The following PTBP3 variants were observed in gnomAD, a reference collection of about 807,000 sequenced individuals.
PTBP3 encodes polypyrimidine tract-binding protein 3.
In PTBP3, 20 loss-of-function variants were observed where a neutral mutation model predicts 58.7. The ratio of observed to expected loss-of-function variants is 0.34; its 90% CI spans 0.24 to 0.50. The LOEUF (loss-of-function observed/expected upper bound fraction) is 0.50. Ranked by LOEUF, PTBP3 falls within the 20% of genes least tolerant of loss-of-function variation. PTBP3 has a pLI of 0.98. For missense variants in PTBP3, 509 were observed against 637.2 expected (o/e 0.80, Z 2.17); for synonymous variants, 185 against 219.8 (o/e 0.84, Z 1.40).
intron 5 of PTBP3, among the ~76,000 whole-genome samples, chr9:112,260,006 C>T (rs1007168596): frequency 2.6e-5 from 4 of 152,138 alleles, no homozygotes; most frequent in African/African-American, 9.7e-5. Context: ...CTCCTGGGTA[C>T]AAGTGATTCT....
the PTBP3 span, among the ~76,000 whole-genome samples, chr9:112,348,769 C>CT: frequency 6.6e-6 from 1 of 152,086 alleles, no homozygotes; most frequent in Non-Finnish European, 1.5e-5. Flanking sequence ...CTTTCAAATC[C>CT]TTTTTTCTGA....
In PTBP3 at chr9:112,222,384, A is replaced by G. The variant is rs1445931645; in HGVS notation, c.*1467T>C. The G allele has an allele frequency of 1.0e-6, 1 of 985,628 alleles. No individual in the cohort carries two copies. Among genetic ancestry groups the G allele is most frequent in the Non-Finnish European group, 1.2e-6 (1 of 829,922 alleles). The allele number at this position is 985,628 out of a possible 1,614,324, so 61.1% of individuals were successfully genotyped here. On this transcript the variant is annotated 3_prime_UTR_variant, in exon 14 of 14. Transcript: ENST00000374257. ...TCATACTCCAAATACGTGGGTACTCAGTAATGAAAGTCACATTAACAAAGA... is the reference window on the plus strand; with the variant it reads ...TCATACTCCAAATACGTGGGTACTCGGTAATGAAAGTCACATTAACAAAGA...
rs143427919 is a variant in PTBP3 at position 112,235,440 on chromosome 9, T to C, written c.803-543A>G. 2.3e-3 allele frequency among the ~76,000 whole-genome samples: 352 copies of C among 152,272 alleles called. 2 individuals are homozygous for C. The highest frequency in any genetic ancestry group is 8.0e-3 in the African/African-American group (332 of 41,560). ...AAAACCTGAGCCAGATATTATGTAA[T>C]TGAAGAAGCACAGTACTTAGTGTGT... On this transcript the variant is annotated intron_variant, in intron 7 of 13. Transcript: ENST00000374257.
chr9:112,351,770 T>C, the PTBP3 span, among the ~76,000 whole-genome samples: 1 of 152,198 alleles, frequency 6.6e-6, no homozygotes, highest in African/African-American at 2.4e-5. Flanking sequence ...GCTTTGGCCA[T>C]TGGGAGCTCT....
intron 2 of PTBP3, among the ~76,000 whole-genome samples, chr9:112,296,748 G>A (rs1238590715): frequency 6.6e-6 from 1 of 152,016 alleles, no homozygotes; most frequent in Admixed American, 6.6e-5. Flanking sequence ...AACCTGTGTC[G>A]TCCAACTCTG....
At chr9:112,242,860 A>G (rs1317165661) in intron 7 of PTBP3, 1 of 152,218 alleles carries the variant, frequency 6.6e-6, no homozygotes, top group Non-Finnish European at 1.5e-5. Context: ...TACAGGACTA[A>G]GATCCATTTC....
intron 1 of PTBP3, among the ~76,000 whole-genome samples, chr9:112,321,468 G>A (rs1829945281): frequency 6.6e-6 from 1 of 150,776 alleles, no homozygotes; most frequent in Non-Finnish European, 1.5e-5. Context: ...GGCGGAGGTT[G>A]CAGTAAGCCA....
At chr9:112,280,054 G>A (rs1827789029) in intron 2 of PTBP3, among the ~76,000 whole-genome samples, 1 of 151,762 alleles carries the variant, frequency 6.6e-6, no homozygotes, top group South Asian at 2.1e-4. Context: ...AAATTTATAT[G>A]CCATTTATTT....
chr9:112,324,074 C>G (rs1300528492), intron 1 of PTBP3, among the ~76,000 whole-genome samples: 5 of 151,748 alleles, frequency 3.3e-5, no homozygotes, highest in Non-Finnish European at 1.5e-5. Flanking sequence ...GTTTCTTTCT[C>G]ATCAGAAACC....
intron 11 of PTBP3, 119 bp downstream of exon 11, chr9:112,228,261 T>C: frequency 1.6e-6 from 1 of 629,270 alleles, no homozygotes; most frequent in Non-Finnish European, 2.7e-6. Flanking sequence ...AATGAAGGCA[T>C]TATCACAAGG....
chr9:112,280,645 T>C (rs1827816067), intron 2 of PTBP3, among the ~76,000 whole-genome samples: 1 of 152,138 alleles, frequency 6.6e-6, no homozygotes, highest in Non-Finnish European at 1.5e-5. Flanking sequence ...GTGAGCAGAT[T>C]TTACCTTGTA....
chr9:112,277,066 T>C (rs1417844301), intron 2 of PTBP3, among the ~76,000 whole-genome samples: 1 of 152,210 alleles, frequency 6.6e-6, no homozygotes, highest in Admixed American at 6.5e-5. Flanking sequence ...ACAAATTTCA[T>C]GAGGACCAAA....
At chr9:112,278,467 TATCA>T (rs1827720554) in intron 2 of PTBP3, among the ~76,000 whole-genome samples, 1 of 152,214 alleles carries the variant, frequency 6.6e-6, no homozygotes, top group Admixed American at 6.5e-5. Context: ...ATGAAGCTCC[TATCA>T]GTTTACCCAG....
intron 2 of PTBP3, among the ~76,000 whole-genome samples, chr9:112,295,257 A>G (rs1233132697): frequency 2.6e-5 from 4 of 151,870 alleles, no homozygotes; most frequent in Non-Finnish European, 5.9e-5. Context: ...AAAAAAAAAA[A>G]AAAAGAAGTT....
intron 5 of PTBP3, among the ~76,000 whole-genome samples, chr9:112,259,154 T>A (rs1048267895): frequency 2.0e-5 from 3 of 152,148 alleles, no homozygotes; most frequent in Non-Finnish European, 4.4e-5. Context: ...GGTTTTGCCA[T>A]GTTGCCCAGG....
intron 7 of PTBP3, among the ~76,000 whole-genome samples, chr9:112,249,579 T>C (rs1219748432): frequency 2.0e-5 from 3 of 152,142 alleles, no homozygotes; most frequent in Non-Finnish European, 4.4e-5. Context: ...CTCTGATGAA[T>C]CACTTTTTCA....
Position 112,223,645 on chromosome 9 carries a change from G to A in PTBP3, c.*206C>T. On this transcript the variant is annotated 3_prime_UTR_variant, in exon 14 of 14. Transcript: ENST00000374257. Reference sequence around the variant, plus strand: ...TGAAGGTTATTTTTGTAGAAACCATGGTAAAAAGGGAAAAGAAACCTTTGA... The same window carrying A: ...TGAAGGTTATTTTTGTAGAAACCATAGTAAAAAGGGAAAAGAAACCTTTGA... The A allele has an allele frequency of 7.8e-7, 1 of 1,275,970 alleles. No individual in the cohort carries two copies. The highest frequency in any genetic ancestry group is 2.3e-5 in the South Asian group (1 of 43,634). 79.0% of individuals were successfully genotyped at this position (1,275,970 alleles called of 1,614,324 possible).
the PTBP3 span, among the ~76,000 whole-genome samples, chr9:112,346,714 A>G: frequency 6.6e-6 from 1 of 152,208 alleles, no homozygotes; most frequent in Non-Finnish European, 1.5e-5. Context: ...TACACACTTT[A>G]GCAATTCTTT....
intron 7 of PTBP3, among the ~76,000 whole-genome samples, chr9:112,240,648 G>GTT (rs35228236): frequency 4.0e-4 from 59 of 147,362 alleles, no homozygotes; most frequent in South Asian, 2.5e-3. Context: ...ACTCCTACTT[G>GTT]TTTTTTTTTT....
Sources: gnomAD v4.1 joint callset for allele counts (sites outside exome capture counted in the v4.1 genomes callset) on GRCh38, gnomAD v4.1.1 for gene constraint, MANE v1.5 for transcripts, NCBI Gene and HGNC (gene_info 2026-07-23, HGNC 2026-07-21) for gene names.